SAP30BP: variants seen among roughly 807,000 people sequenced by gnomAD.
The protein encoded by SAP30BP is SAP30 binding protein.
A neutral mutation model predicts 46.3 loss-of-function variants in SAP30BP; 31 were observed. The ratio of observed to expected loss-of-function variants is 0.67; its 90% CI spans 0.50 to 0.90. The LOEUF (loss-of-function observed/expected upper bound fraction) is 0.90. SAP30BP is among the 40% of genes least tolerant of loss of function. The probability of loss-of-function intolerance (pLI) is 0.00; values close to 1 mark genes in which losing one functional copy is unlikely to be tolerated. For synonymous variants in SAP30BP, 169 were observed against 144.2 expected (o/e 1.17, Z -1.23); for missense variants, 312 against 391.0 (o/e 0.80, Z 1.70).
intron 3 of SAP30BP, among the ~76,000 whole-genome samples, chr17:75,681,629 C>T (rs1250739676): frequency 1.3e-5 from 2 of 152,204 alleles, no homozygotes; most frequent in African/African-American, 4.8e-5. Context: ...TTTGAGGAGC[C>T]TGCCAGCAAT....
Position 75,706,165 on chromosome 17 carries a change from G to C in SAP30BP, c.745+73G>C. 1 of 1,573,138 alleles carries C rather than the reference G, an allele frequency of 6.4e-7. No homozygotes were observed. The highest frequency in any genetic ancestry group is 8.6e-7 in the Non-Finnish European group (1 of 1,161,422). ...GTCTCCCTGGCTTGTTTGGGCGACA[G>C]ACAGCACGTGGATCTGGGCCTGGGC... On this transcript the variant is annotated intron_variant, in intron 10 of 10. Transcript: ENST00000584667. This position sits in a 1 kb window ranked among gnomAD's most constrained non-coding sequence, Gnocchi z 4.6.
intron 5 of SAP30BP, 78 bp from the exon 6 acceptor site, chr17:75,702,402 C>T: frequency 3.2e-6 from 2 of 618,206 alleles, no homozygotes; most frequent in Non-Finnish European, 6.0e-6. Flanking sequence ...GCACATGTAG[C>T]TGGTGACCAG....
chr17:75,686,240 G>C (rs1395312529), intron 3 of SAP30BP, among the ~76,000 whole-genome samples: 1 of 151,804 alleles, frequency 6.6e-6, no homozygotes, highest in East Asian at 1.9e-4. Context: ...GGTTGGGGCC[G>C]GGCGCAGTGG....
intron 6 of SAP30BP, 114 bp downstream of exon 6, chr17:75,702,685 C>T: frequency 1.8e-6 from 1 of 543,950 alleles, no homozygotes; most frequent in Non-Finnish European, 3.4e-6. Flanking sequence ...ATCACCCAGA[C>T]TTGTCATTAC....
At chr17:75,692,360 T>G (rs1308268329) in intron 3 of SAP30BP, 1 of 985,380 alleles carries the variant, frequency 1.0e-6, no homozygotes, top group Non-Finnish European at 1.2e-6. Flanking sequence ...AGGGTCTTCC[T>G]GTCTCATCTC....
intron 3 of SAP30BP, 146 bp from the exon 4 acceptor site, chr17:75,693,294 G>A: frequency 1.6e-6 from 1 of 631,488 alleles, no homozygotes; most frequent in Non-Finnish European, 2.8e-6. Flanking sequence ...GGGTGCCAGA[G>A]GCCCCTGAAG....
intron 1 of SAP30BP, 147 bp from the exon 2 acceptor site, chr17:75,668,367 CTA>C (rs2148361254): frequency 1.8e-6 from 1 of 546,760 alleles, no homozygotes; most frequent in East Asian, 3.2e-5. Context: ...GAATCTGGGC[CTA>C]TTGTAACTTA....
chr17:75,678,463 A>AACACACACACACACAC (rs59943167), intron 3 of SAP30BP, among the ~76,000 whole-genome samples: 2 of 147,534 alleles, frequency 1.4e-5, no homozygotes, highest in Admixed American at 6.8e-5. Context: ...CACAATTTAA[A>AACACACACACACACAC]ACACACACAC....
intron 3 of SAP30BP, among the ~76,000 whole-genome samples, chr17:75,679,049 A>T (rs571094415): frequency 7.0e-6 from 1 of 143,164 alleles, no homozygotes; most frequent in Admixed American, 7.4e-5. Flanking sequence ...GCTGGAGTGC[A>T]GTGGCTCCAT....
intron 6 of SAP30BP, 81 bp from the exon 7 acceptor site, chr17:75,703,230 T>G: frequency 7.4e-7 from 1 of 1,344,900 alleles, no homozygotes; most frequent in Non-Finnish European, 1.1e-6. Context: ...AGGTTTTGTG[T>G]CAGCCCCAGG....
At chr17:75,669,246 CTAT>C (rs1032250914) in intron 2 of SAP30BP, among the ~76,000 whole-genome samples, 1 of 148,392 alleles carries the variant, frequency 6.7e-6, no homozygotes, top group African/African-American at 2.6e-5. Context: ...CCTAGCTAAC[CTAT>C]TATTATTTTT....
chr17:75,696,378 C>CAAA (rs57619442), intron 4 of SAP30BP, among the ~76,000 whole-genome samples: 25 of 128,818 alleles, frequency 1.9e-4, no homozygotes, highest in Middle Eastern at 3.8e-3. Context: ...ACTAAAAATC[C>CAAA]AAAAAAAAAA....
Position 75,706,194 on chromosome 17 carries a change from G to T in SAP30BP, c.745+102G>T. The T allele has an allele frequency of 6.4e-7, 1 of 1,556,862 alleles. No individual in the cohort carries two copies. On this transcript the variant is annotated intron_variant, in intron 10 of 10. Transcript: ENST00000584667. The surrounding 1 kb of genome is among the most constrained non-coding windows in gnomAD (Gnocchi z 4.6). Reference sequence around the variant, plus strand: ...GCACGTGGATCTGGGCCTGGGCTCAGCCTTGCTACTTTGAGAAGCACCTTT... The same window carrying T: ...GCACGTGGATCTGGGCCTGGGCTCATCCTTGCTACTTTGAGAAGCACCTTT...
At chr17:75,694,629 A>T (rs1599150087) in intron 4 of SAP30BP, among the ~76,000 whole-genome samples, 1 of 474 alleles carries the variant, frequency 2.1e-3, no homozygotes, top group Non-Finnish European at 9.6e-3. Context: ...TGGCCGGCCC[A>T]AGGGGGCGAT....
At chr17:75,679,308 G>T (rs1384644851) in intron 3 of SAP30BP, among the ~76,000 whole-genome samples, 1 of 152,106 alleles carries the variant, frequency 6.6e-6, no homozygotes, top group African/African-American at 2.4e-5. Context: ...CAGGCAAGTT[G>T]TAAGAAACGA....
intron 5 of SAP30BP, among the ~76,000 whole-genome samples, chr17:75,702,179 C>T (rs190894152): frequency 4.0e-4 from 61 of 152,314 alleles, no homozygotes; most frequent in Non-Finnish European, 8.2e-4. Context: ...TGCCCCACCA[C>T]ACCCAGCTAA....
chr17:75,694,592 C>G (rs2060287115), intron 4 of SAP30BP, among the ~76,000 whole-genome samples: 1 of 151,130 alleles, frequency 6.6e-6, no homozygotes, highest in African/African-American at 2.4e-5. Context: ...GCAGAGGAAG[C>G]AGAGTGTGCA....
At position 75,671,799 on chromosome 17, in the gene SAP30BP, A is replaced by G. The variant is rs2148369160; in HGVS notation, c.217-17A>G. On this transcript the variant is annotated splice_polypyrimidine_tract_variant and intron_variant, in intron 2 of 10. Coordinates refer to ENST00000584667, the MANE Select transcript of SAP30BP (RefSeq NM_013260.8). Reference sequence around the variant, plus strand: ...CCGCTCCTTTAAGCTTAATCCTCTAAATTCTTTGTCTTGTAGGAAGATGAC... The same window carrying G: ...CCGCTCCTTTAAGCTTAATCCTCTAGATTCTTTGTCTTGTAGGAAGATGAC... 1 of 1,609,042 alleles carries G rather than the reference A, an allele frequency of 6.2e-7. No homozygotes were observed. The highest frequency in any genetic ancestry group is 8.5e-7 in the Non-Finnish European group (1 of 1,175,744).
At chr17:75,682,114 A>G (rs1454237803) in intron 3 of SAP30BP, among the ~76,000 whole-genome samples, 1 of 151,856 alleles carries the variant, frequency 6.6e-6, no homozygotes, top group East Asian at 1.9e-4. Context: ...TTTTTGTCAA[A>G]TTATTGTAGC....
Sources: gnomAD v4.1 joint callset for allele counts (sites outside exome capture counted in the v4.1 genomes callset) on GRCh38, gnomAD v4.1.1 for gene constraint, Gnocchi (gnomAD v3.1) non-coding constraint, MANE v1.5 for transcripts, NCBI Gene and HGNC (gene_info 2026-07-23, HGNC 2026-07-21) for gene names.